THOC5: variants seen among roughly 807,000 people sequenced by gnomAD.
The protein encoded by THOC5 is Fms-interacting protein.
A neutral mutation model predicts 92.9 loss-of-function variants in THOC5; 43 were observed. The ratio of observed to expected loss-of-function variants is 0.46; its 90% confidence interval spans 0.36 to 0.60. The LOEUF (loss-of-function observed/expected upper bound fraction) is 0.60. Among genes scored for constraint, THOC5 ranks in the 20% least tolerant of loss-of-function variants. THOC5 has a pLI of 0.00. For synonymous variants in THOC5, 296 were observed against 320.1 expected (o/e 0.92, Z 0.80); for missense variants, 659 against 849.4 (o/e 0.78, Z 2.79).
chr22:29,511,066 T>A, intron 19 of THOC5, 40 bp downstream of exon 19: 1 of 1,589,896 alleles, frequency 6.3e-7, no homozygotes, highest in Non-Finnish European at 8.6e-7. Flanking sequence ...CTGTCCCACA[T>A]CACCATGAGA....
intron 17 of THOC5, among the ~76,000 whole-genome samples, chr22:29,514,227 G>A (rs955595848): frequency 4.6e-5 from 7 of 151,632 alleles, no homozygotes; most frequent in South Asian, 4.2e-4. Flanking sequence ...GATTACAGGC[G>A]TGAGCCACCA....
At chr22:29,508,826 C>T (rs2063168444) in intron 19 of THOC5, among the ~76,000 whole-genome samples, 1 of 151,968 alleles carries the variant, frequency 6.6e-6, no homozygotes, top group Non-Finnish European at 1.5e-5. Flanking sequence ...GAGACGGAGT[C>T]TCTGTGTCGC....
intron 2 of THOC5, among the ~76,000 whole-genome samples, chr22:29,548,028 A>G (rs2064061379): frequency 6.6e-6 from 1 of 152,160 alleles, no homozygotes; most frequent in African/African-American, 2.4e-5. Context: ...CAAAAGCAGA[A>G]ACCCCTGATG....
intron 8 of THOC5, chr22:29,531,301 A>AG (rs1199421103): frequency 5.6e-5 from 55 of 985,322 alleles, no homozygotes; most frequent in Non-Finnish European, 6.5e-5. Context: ...AAGCTGCATT[A>AG]GGGCAAAAGG....
At chr22:29,552,027 T>C (rs2064162076) in intron 1 of THOC5, among the ~76,000 whole-genome samples, 1 of 152,172 alleles carries the variant, frequency 6.6e-6, no homozygotes, top group Non-Finnish European at 1.5e-5. Flanking sequence ...CCGCGAGTGA[T>C]CGGCCAGCCT....
chr22:29,531,785 C>A, intron 8 of THOC5, 46 bp downstream of exon 8: 1 of 1,589,230 alleles, frequency 6.3e-7, no homozygotes, highest in Non-Finnish European at 8.6e-7. Flanking sequence ...TCGGCCACAG[C>A]TGCTGCTCCC....
intron 17 of THOC5, among the ~76,000 whole-genome samples, chr22:29,514,428 T>C (rs954354558): frequency 4.7e-5 from 7 of 150,116 alleles, no homozygotes; most frequent in Non-Finnish European, 1.0e-4. Context: ...GCCATTCTCC[T>C]GCCTCACCCT....
chr22:29,510,328 G>T (rs2063200205), intron 19 of THOC5, among the ~76,000 whole-genome samples: 1 of 152,188 alleles, frequency 6.6e-6, no homozygotes, highest in Non-Finnish European at 1.5e-5. Context: ...CAGGCACAAT[G>T]GCTCATGCCT....
intron 12 of THOC5, 98 bp from the exon 13 acceptor site, chr22:29,521,197 T>C: frequency 1.2e-6 from 1 of 844,980 alleles, no homozygotes; most frequent in South Asian, 1.4e-5. Context: ...GTCTCACTGA[T>C]GACCAATGCC....
At chr22:29,514,460 G>A (rs1289302377) in intron 17 of THOC5, among the ~76,000 whole-genome samples, 1 of 151,326 alleles carries the variant, frequency 6.6e-6, no homozygotes, top group African/African-American at 2.4e-5. Flanking sequence ...GGGACTACAG[G>A]CGCCCGCCAC....
intron 17 of THOC5, 141 bp downstream of exon 17, chr22:29,516,888 G>T: frequency 2.7e-6 from 2 of 735,860 alleles, no homozygotes; most frequent in Non-Finnish European, 2.3e-6. Context: ...ATGAGTCCTT[G>T]CTGAACAGGC....
rs760248743 is a variant in THOC5, at chr22:29,549,152, G to C, written c.-5C>G. 1 of 1,614,012 alleles carries C rather than the reference G, an allele frequency of 6.2e-7. No individual in the cohort carries two copies. Among genetic ancestry groups the C allele is most frequent in the Non-Finnish European group, 8.5e-7 (1 of 1,179,950 alleles). Reference sequence around the variant, plus strand: ...TTTGCTCGATTCTGATGACATGGTTGTTCCTCCTGTTAAGAGGAGAAAGTT... The same window carrying C: ...TTTGCTCGATTCTGATGACATGGTTCTTCCTCCTGTTAAGAGGAGAAAGTT... On this transcript the variant is annotated 5_prime_UTR_variant, in exon 2 of 20. Coordinates refer to ENST00000490103, the MANE Select transcript of THOC5 (RefSeq NM_003678.5).
intron 1 of THOC5, among the ~76,000 whole-genome samples, chr22:29,552,047 G>A (rs912452700): frequency 2.6e-5 from 4 of 152,028 alleles, no homozygotes; most frequent in African/African-American, 9.7e-5. Context: ...TCGGCCTCCC[G>A]AGGTGCCAGG....
chr22:29,523,242 AAAAT>A (rs528811341), intron 12 of THOC5, among the ~76,000 whole-genome samples: 5 of 152,010 alleles, frequency 3.3e-5, no homozygotes, highest in African/African-American at 4.8e-5. Context: ...ACTCCTTCTC[AAAAT>A]AAATAAATAA....
chr22:29,552,749 G>T (rs2146586820), intron 1 of THOC5, among the ~76,000 whole-genome samples: 1 of 152,330 alleles, frequency 6.6e-6, no homozygotes, highest in African/African-American at 2.4e-5. Context: ...GTACCCAACA[G>T]CTCATTGAGA....
intron 12 of THOC5, among the ~76,000 whole-genome samples, chr22:29,524,118 C>T (rs2063497761): frequency 6.6e-6 from 1 of 152,194 alleles, no homozygotes; most frequent in Non-Finnish European, 1.5e-5. Flanking sequence ...AGTGGCATCT[C>T]CTTTTATGTC....
intron 14 of THOC5, 61 bp downstream of exon 14, chr22:29,519,947 G>A: frequency 6.9e-7 from 1 of 1,441,630 alleles, no homozygotes; most frequent in Middle Eastern, 2.4e-4. Context: ...CCTTTCTAGA[G>A]TCTATACAGG....
At chr22:29,519,253 G>A (rs2063392103) in intron 14 of THOC5, 133 bp from the exon 15 acceptor site, 1 of 549,930 alleles carries the variant, frequency 1.8e-6, no homozygotes, top group Non-Finnish European at 3.2e-6. Flanking sequence ...CTTTAGACAT[G>A]GCAAGGTTTA....
In THOC5 at chr22:29,553,713, G is replaced by T. The variant is rs1016640664; in HGVS notation, c.-54C>A. ...CTGGCACCGGGAGTAAGCCACTGCC[G>T]GAGGCGGAGCAAAGCTTGCCCGCGC... On this transcript the variant is annotated 5_prime_UTR_variant, in exon 1 of 20. Coordinates refer to ENST00000490103, the MANE Select transcript of THOC5 (RefSeq NM_003678.5). 6.6e-6 allele frequency: 1 copy of T among 152,374 alleles called. No individual in the cohort carries two copies. The highest frequency in any genetic ancestry group is 2.1e-4 in the South Asian group (1 of 4,826). The allele number at this position is 152,374 out of a possible 1,614,324, so 9.4% of individuals were successfully genotyped here. A position where few individuals can be genotyped will look rare whatever the true frequency, so the allele number is the denominator to read the frequency against.
Sources: allele counts gnomAD v4.1 joint callset (sites outside exome capture counted in the v4.1 genomes callset), GRCh38; gene constraint gnomAD v4.1.1; transcripts MANE v1.5; gene names NCBI Gene and HGNC (gene_info 2026-07-23, HGNC 2026-07-21).